Variants in PREPL observed in about 807,000 individuals in gnomAD.
PREPL encodes the protein prolyl endopeptidase like, also known as prolyl endopeptidase-like.
A neutral mutation model predicts 70.6 loss-of-function variants in PREPL; 77 were observed. The ratio of observed to expected loss-of-function variants is 1.09; its 90% CI spans 0.91 to 1.32. The LOEUF is 1.32. Among genes scored for constraint, PREPL ranks in the 40% most tolerant of loss-of-function variants. The pLI is 0.00. For missense variants in PREPL, 1,002 were observed against 778.2 expected (o/e 1.29, Z -3.42); for synonymous variants, 315 against 264.8 (o/e 1.19, Z -1.84).
chr2:44,359,728 C>G, intron 1 of PREPL: 3 of 1,563,802 alleles, frequency 1.9e-6, no homozygotes, highest in Non-Finnish European at 2.6e-6. Flanking sequence ...TATCAAAGTC[C>G]CTGGTTTATG....
At chr2:44,353,868 A>G (rs786654) in intron 1 of PREPL, among the ~76,000 whole-genome samples, 83,243 of 151,914 alleles carry the variant, frequency 0.55, 24,924 homozygotes, top group Non-Finnish European at 0.68. Flanking sequence ...TGAACTCAAA[A>G]TGGGTCATAG....
chr2:44,344,619 T>C, intron 2 of PREPL, 33 bp from the exon 3 acceptor site: 3 of 1,476,750 alleles, frequency 2.0e-6, no homozygotes, highest in Non-Finnish European at 2.8e-6. Context: ...TACTTAATAA[T>C]AATTTAATTA....
chr2:44,340,518 G>A (rs1489177189), intron 5 of PREPL, among the ~76,000 whole-genome samples: 1 of 152,120 alleles, frequency 6.6e-6, no homozygotes, highest in Non-Finnish European at 1.5e-5. Context: ...AATTTCTTCT[G>A]TATTGGATCA....
In PREPL at chr2:44,319,999, C is replaced by A; in HGVS notation, c.*1357G>T. On this transcript the variant is annotated 3_prime_UTR_variant, in exon 14 of 14. Coordinates refer to ENST00000409411, the MANE Select transcript of PREPL (RefSeq NM_001171613.2). ...GCGTACTTATTGACTCCCAGACAAG[C>A]CGAAACCCCGAATTTGTCATTTCTA... 1.7e-6 allele frequency: 1 copy of A among 576,590 alleles called. No individual in the cohort carries two copies. Among genetic ancestry groups the A allele is most frequent in the Non-Finnish European group, 3.1e-6 (1 of 326,160 alleles). 35.7% of individuals were successfully genotyped at this position (576,590 alleles called of 1,614,324 possible). A position where few individuals can be genotyped will look rare whatever the true frequency, so the allele number is the denominator to read the frequency against.
At position 44,320,787 on chromosome 2, in the gene PREPL, T is replaced by A; in HGVS notation, c.*569A>T. ...AATGTAACTGCTTTAAGAAAGGTTC[T>A]CAAATGTTTTGAAAAAAATAAAATG... On this transcript the variant is annotated 3_prime_UTR_variant, in exon 14 of 14. Coordinates refer to ENST00000409411, the MANE Select transcript of PREPL (RefSeq NM_001171613.2). 1 of 704,254 alleles carries A rather than the reference T, an allele frequency of 1.4e-6. No individual in the cohort carries two copies. Among genetic ancestry groups the A allele is most frequent in the Non-Finnish European group, 2.4e-6 (1 of 410,136 alleles). 43.6% of individuals were successfully genotyped at this position (704,254 alleles called of 1,614,324 possible).
At chr2:44,358,234 A>G (rs1188547565) in intron 1 of PREPL, among the ~76,000 whole-genome samples, 1 of 152,228 alleles carries the variant, frequency 6.6e-6, no homozygotes. Flanking sequence ...AAAAGAAATG[A>G]AGTTATGATA....
chr2:44,339,413 C>T, intron 5 of PREPL, 50 bp from the exon 6 acceptor site: 1 of 1,596,680 alleles, frequency 6.3e-7, no homozygotes, highest in East Asian at 2.3e-5. Context: ...CAGATGCATG[C>T]TACCTTGTTA....
Position 44,320,689 on chromosome 2 carries a change from C to CT in PREPL, c.*666_*667insA. On this transcript the variant is annotated 3_prime_UTR_variant, in exon 14 of 14. Transcript: ENST00000409411. ...ACTGGCATTTCAGTGGGATTGTAAG[C>CT]ATTTGTAATAGCTTCATGTACAGCA... The CT allele has an allele frequency of 7.2e-7, 1 of 1,381,632 alleles. No individual in the cohort carries two copies. Among genetic ancestry groups the CT allele is most frequent in the Non-Finnish European group, 1.0e-6 (1 of 968,968 alleles). The allele number at this position is 1,381,632 out of a possible 1,614,324, so 85.6% of individuals were successfully genotyped here. A position where few individuals can be genotyped will look rare whatever the true frequency, so the allele number is the denominator to read the frequency against.
chr2:44,359,865 G>A lies in PREPL; in HGVS notation c.-49+1515C>T, dbSNP rs1677484801. 1.0e-5 allele frequency: 6 copies of A among 596,588 alleles called. No homozygotes were observed. In the East Asian group the frequency reaches 1.7e-4, roughly 17 times the overall value. 37.0% of individuals were successfully genotyped at this position (596,588 alleles called of 1,614,324 possible). ...CAGGGCCATGCCCCACTTAGGTTATGAATAACTTCAGACAGCTGATAACTT... is the reference window on the plus strand; with the variant it reads ...CAGGGCCATGCCCCACTTAGGTTATAAATAACTTCAGACAGCTGATAACTT... On this transcript the variant is annotated intron_variant, in intron 1 of 13. Coordinates refer to ENST00000409411, the MANE Select transcript of PREPL (RefSeq NM_001171613.2).
intron 1 of PREPL, among the ~76,000 whole-genome samples, chr2:44,351,551 T>C (rs1454370674): frequency 6.6e-6 from 1 of 151,236 alleles, no homozygotes; most frequent in East Asian, 1.9e-4. Flanking sequence ...CTCCAGGCAA[T>C]CTTTCCAATT....
At chr2:44,344,749 T>C (rs1381936188) in intron 2 of PREPL, among the ~76,000 whole-genome samples, 163 bp from the exon 3 acceptor site, 1 of 152,218 alleles carries the variant, frequency 6.6e-6, no homozygotes, top group African/African-American at 2.4e-5. Context: ...TTTTACAATG[T>C]AGTTGATAAG....
At chr2:44,335,904 G>T (rs1674590246) in intron 7 of PREPL, among the ~76,000 whole-genome samples, 1 of 151,732 alleles carries the variant, frequency 6.6e-6, no homozygotes, top group African/African-American at 2.4e-5. Flanking sequence ...GACATGAACA[G>T]ATATTTTTAA....
chr2:44,323,200 G>GT (rs532989535), intron 11 of PREPL, 62 bp downstream of exon 11: 29,785 of 1,204,150 alleles, frequency 0.025, 4 homozygotes, highest in South Asian at 0.034. Context: ...GCTTGGATAA[G>GT]TTTTTTTTTT....
At chr2:44,352,457 T>G (rs1676548181) in intron 1 of PREPL, among the ~76,000 whole-genome samples, 1 of 152,132 alleles carries the variant, frequency 6.6e-6, no homozygotes, top group Non-Finnish European at 1.5e-5. Context: ...AGACAGGGTT[T>G]TGCCATGTTG....
rs1352213603 is a variant in PREPL, at chr2:44,319,368, ATCTT to A, written c.*1984_*1987del. The A allele has an allele frequency of 9.2e-5, 14 of 152,730 alleles. No individual in the cohort carries two copies. In the South Asian group the frequency reaches 2.3e-3, roughly 25 times the overall value. The allele number at this position is 152,730 out of a possible 1,614,324, so 9.5% of individuals were successfully genotyped here. The stretch of plus-strand genomic sequence containing the variant: ...AAAGTAACTGTCTTTCTGATAATCT[ATCTT>A]AAGTAATACAAAAATGGGGGGAGGG... On this transcript the variant is annotated 3_prime_UTR_variant, in exon 14 of 14. Coordinates refer to ENST00000409411, the MANE Select transcript of PREPL (RefSeq NM_001171613.2).
chr2:44,361,717 A>G (rs1572608789), upstream of PREPL: 5 of 387,582 alleles, frequency 1.3e-5, no homozygotes, highest in East Asian at 1.2e-4. Context: ...ACAGAAGGCT[A>G]AAACAATGAG....
At chr2:44,324,967 C>A (rs1050361304) in intron 10 of PREPL, among the ~76,000 whole-genome samples, 6 of 152,156 alleles carry the variant, frequency 3.9e-5, no homozygotes, top group Non-Finnish European at 8.8e-5. Context: ...GTATTTTTCA[C>A]TTAGCTTTAT....
intron 10 of PREPL, among the ~76,000 whole-genome samples, chr2:44,326,078 C>G (rs1035915431): frequency 6.6e-6 from 1 of 152,190 alleles, no homozygotes; most frequent in African/African-American, 2.4e-5. Flanking sequence ...GGACTCAGTG[C>G]ATTCCAGAGT....
intron 1 of PREPL, among the ~76,000 whole-genome samples, chr2:44,350,453 T>A (rs963408373): frequency 6.6e-6 from 1 of 152,218 alleles, no homozygotes; most frequent in African/African-American, 2.4e-5. Context: ...ATAGTTTCTG[T>A]CAGTTATCTT....
Sources: allele counts gnomAD v4.1 joint callset (sites outside exome capture counted in the v4.1 genomes callset), GRCh38; gene constraint gnomAD v4.1.1; transcripts MANE v1.5; gene names NCBI Gene and HGNC (gene_info 2026-07-23, HGNC 2026-07-21).